The following RBFOX2 variants were observed in gnomAD, a reference collection of about 807,000 sequenced individuals.
The protein encoded by RBFOX2 is RNA binding protein fox-1 homolog 2.
A neutral mutation model predicts 49.1 loss-of-function variants in RBFOX2; 10 were observed. The observed-to-expected ratio is 0.20, with a 90% confidence interval of 0.13 to 0.35. RBFOX2 has a LOEUF of 0.35. RBFOX2 is among the 10% of genes least tolerant of loss of function. RBFOX2 has a pLI of 1.00. For synonymous variants in RBFOX2, 183 were observed against 187.4 expected (o/e 0.98, Z 0.19); for missense variants, 323 against 486.9 (o/e 0.66, Z 3.17).
intron 1 of RBFOX2, chr22:35,898,419 CT>C (rs749708583): frequency 0.1 from 28,463 of 275,446 alleles, 35 homozygotes; most frequent in South Asian, 0.16. Context: ...TCCCACAATC[CT>C]TTTTTTTTTT....
intron 1 of RBFOX2, chr22:35,994,452 C>A (rs898264502): frequency 3.9e-4 from 59 of 151,454 alleles, no homozygotes; most frequent in Non-Finnish European, 7.8e-4. Context: ...GTCACTCAGG[C>A]CAGAGTACAG....
chr22:35,770,331 A>G (rs553681623), intron 4 of RBFOX2, among the ~76,000 whole-genome samples: 1 of 152,294 alleles, frequency 6.6e-6, no homozygotes, highest in South Asian at 2.1e-4. Flanking sequence ...GGTTAAATTA[A>G]TACATTGTAA....
intron 1 of RBFOX2, chr22:35,961,556 C>T (rs1385385508): frequency 8.4e-6 from 11 of 1,304,028 alleles, no homozygotes; most frequent in Non-Finnish European, 1.1e-5. Flanking sequence ...CCCAACTCCC[C>T]ACCAACCTCA....
chr22:35,963,363 G>A (rs2056367807), upstream of RBFOX2, among the ~76,000 whole-genome samples: 1 of 152,170 alleles, frequency 6.6e-6, no homozygotes, highest in Non-Finnish European at 1.5e-5. Context: ...ACCTTAACAA[G>A]CCATTCCTTG....
chr22:35,769,537 T>C (rs911820558), intron 4 of RBFOX2, among the ~76,000 whole-genome samples: 6 of 152,194 alleles, frequency 3.9e-5, no homozygotes, highest in Admixed American at 1.3e-4. Context: ...TCTGCAGCTA[T>C]AATTTTACAA....
chr22:35,903,652 C>T lies in RBFOX2; in HGVS notation c.-34+35195G>A, dbSNP rs187412234. Among the ~76,000 whole-genome samples the T allele has an allele frequency of 3.3e-5, 5 of 152,276 alleles. No individual in the cohort carries two copies. The East Asian group carries it at 7.7e-4, about 24-fold the overall frequency. ...TCCTTAATTCTCCACCATCACCACCCTTGAAGTCCCCTGGTACTACCTGAC... is the reference window on the plus strand; with the variant it reads ...TCCTTAATTCTCCACCATCACCACCTTTGAAGTCCCCTGGTACTACCTGAC... On this transcript the variant is annotated intron_variant, in intron 1 of 13. Transcript: ENST00000359369.
chr22:35,829,927 T>C (rs192462044), intron 1 of RBFOX2, among the ~76,000 whole-genome samples: 66 of 152,308 alleles, frequency 4.3e-4, no homozygotes, highest in African/African-American at 1.6e-3. Context: ...ACACCCAGGC[T>C]TCCACTTTCA....
Position 35,756,096 on chromosome 22 carries a change from T to C in RBFOX2, c.887+3792A>G. On this transcript the variant is annotated intron_variant, in intron 9 of 11. Transcript: ENST00000405409. ...ATGGGGTCGAGAAGGCCCCAGTGTGTGTACTTACATAGAGGTCAGCACCGT... is the reference window on the plus strand; with the variant it reads ...ATGGGGTCGAGAAGGCCCCAGTGTGCGTACTTACATAGAGGTCAGCACCGT... 6.9e-7 allele frequency: 1 copy of C among 1,442,854 alleles called. No homozygotes were observed. The highest frequency in any genetic ancestry group is 9.2e-7 in the Non-Finnish European group (1 of 1,086,670). The allele number at this position is 1,442,854 out of a possible 1,614,324, so 89.4% of individuals were successfully genotyped here.
intron 1 of RBFOX2, among the ~76,000 whole-genome samples, chr22:35,935,865 T>C (rs1230798513): frequency 1.3e-5 from 2 of 152,176 alleles, no homozygotes; most frequent in African/African-American, 2.4e-5. Flanking sequence ...TTCCTCATCT[T>C]TCCAGAGGGA....
intron 1 of RBFOX2, among the ~76,000 whole-genome samples, chr22:35,924,265 C>G (rs893763714): frequency 6.6e-6 from 1 of 152,042 alleles, no homozygotes; most frequent in Non-Finnish European, 1.5e-5. Flanking sequence ...AATAGAATAC[C>G]AGAATTAAAG....
intron 1 of RBFOX2, among the ~76,000 whole-genome samples, chr22:35,883,803 T>C (rs1355884443): frequency 6.6e-6 from 1 of 152,086 alleles, no homozygotes; most frequent in Non-Finnish European, 1.5e-5. Context: ...ATAACAAGGA[T>C]CCCCTTTCTT....
chr22:35,929,492 T>C (rs1301253027), intron 1 of RBFOX2, among the ~76,000 whole-genome samples: 1 of 152,076 alleles, frequency 6.6e-6, no homozygotes, highest in African/African-American at 2.4e-5. Context: ...TACATCACTA[T>C]AATGAAATAT....
chr22:35,856,118 A>G lies in RBFOX2; in HGVS notation c.-33-46114T>C, dbSNP rs550938469. 4.5e-4 allele frequency among the ~76,000 whole-genome samples: 68 copies of G among 152,294 alleles called. No homozygotes were observed. The South Asian group carries it at 8.7e-3, about 20-fold the overall frequency. On this transcript the variant is annotated intron_variant, in intron 1 of 13. Coordinates refer to the RBFOX2 transcript ENST00000359369. ...CCTAGACTTAGAAACAGACCTAGTT[A>G]TTCAAAATCTAGACCTAGAAATAGA... is the stretch of plus-strand genomic sequence containing the variant.
intron 1 of RBFOX2, among the ~76,000 whole-genome samples, chr22:35,985,421 A>T (rs921067309): frequency 6.6e-6 from 1 of 152,168 alleles, no homozygotes; most frequent in Non-Finnish European, 1.5e-5. Flanking sequence ...AGACTGTGCA[A>T]TACTGAAGCA....
chr22:35,877,852 G>A (rs951726914), intron 1 of RBFOX2, among the ~76,000 whole-genome samples: 8 of 151,634 alleles, frequency 5.3e-5, no homozygotes, highest in African/African-American at 1.5e-4. Context: ...TAAGTATTCC[G>A]TTACTGAAAA....
At chr22:35,804,778 G>GAA (rs1279043727) in intron 2 of RBFOX2, among the ~76,000 whole-genome samples, 2 of 151,988 alleles carry the variant, frequency 1.3e-5, no homozygotes, top group Non-Finnish European at 2.9e-5. Flanking sequence ...GGACTGAAAG[G>GAA]AAATGACACT....
At chr22:35,886,945 T>C (rs2046657502) in intron 1 of RBFOX2, among the ~76,000 whole-genome samples, 1 of 152,198 alleles carries the variant, frequency 6.6e-6, no homozygotes, top group Non-Finnish European at 1.5e-5. Flanking sequence ...GAAATATATC[T>C]TGGGTGTTTA....
At chr22:36,009,119 G>A (rs1027486894) in intron 1 of RBFOX2, among the ~76,000 whole-genome samples, 1 of 152,150 alleles carries the variant, frequency 6.6e-6, no homozygotes, top group Non-Finnish European at 1.5e-5. Context: ...AAGTCTTTCA[G>A]TGAACACAAT....
chr22:35,789,701 T>C (rs936502353), intron 2 of RBFOX2, among the ~76,000 whole-genome samples: 1 of 152,226 alleles, frequency 6.6e-6, no homozygotes, highest in Non-Finnish European at 1.5e-5. Context: ...TTCATTCCTG[T>C]TAATACAATT....
Sources: allele counts gnomAD v4.1 joint callset (sites outside exome capture counted in the v4.1 genomes callset), GRCh38; gene constraint gnomAD v4.1.1; transcripts MANE v1.5; gene names NCBI Gene and HGNC (gene_info 2026-07-23, HGNC 2026-07-21).